The following PLCB2 variants were observed in gnomAD, a reference collection of about 807,000 sequenced individuals.
PLCB2 encodes the protein 1-phosphatidylinositol 4,5-bisphosphate phosphodiesterase beta-2.
Under a neutral mutation model 141.7 loss-of-function variants are expected in PLCB2, and 115 were observed. The ratio of observed to expected loss-of-function variants is 0.81; its 90% CI spans 0.70 to 0.95. PLCB2 has a LOEUF of 0.95. PLCB2 is among the 40% of genes least tolerant of loss of function. The pLI is 0.00. For missense variants in PLCB2, 1,403 were observed against 1,541.1 expected, an observed-to-expected ratio of 0.91 and a Z score of 1.50; for synonymous variants, 603 against 595.6, an observed-to-expected ratio of 1.01 and a Z score of -0.18.
Position 40,294,428 on chromosome 15 carries a change from G to A in PLCB2, c.1907-8C>T, listed in dbSNP as rs773284299. 1.1e-5 allele frequency: 18 copies of A among 1,613,940 alleles called. No homozygotes were observed. The highest frequency in any genetic ancestry group is 1.7e-5 in the Admixed American group (1 of 60,028). On this transcript the variant is annotated splice_region_variant and splice_polypyrimidine_tract_variant and intron_variant, in intron 18 of 31. Coordinates refer to ENST00000260402, the MANE Select transcript of PLCB2 (RefSeq NM_004573.3). ...TCTGCTGCATGGGCAAGTCTGGAGG[G>A]ACAAGGACACTCAGTGAGGAAGGCC... is the stretch of plus-strand genomic sequence containing the variant.
intron 24 of PLCB2, 94 bp from the exon 25 acceptor site, chr15:40,291,744 T>C (rs1452385528): frequency 6.2e-7 from 1 of 1,601,554 alleles, no homozygotes; most frequent in South Asian, 1.1e-5. Context: ...TCGCAGTATG[T>C]GCCCCCTGCC....
chr15:40,302,821 T>A (rs2040589962), intron 3 of PLCB2, among the ~76,000 whole-genome samples: 1 of 152,230 alleles, frequency 6.6e-6, no homozygotes, highest in Non-Finnish European at 1.5e-5. Context: ...TTAGCCAAGA[T>A]GGCGGGCAGG....
chr15:40,305,558 G>A (rs929121861), intron 1 of PLCB2, among the ~76,000 whole-genome samples: 4 of 152,216 alleles, frequency 2.6e-5, no homozygotes, highest in Non-Finnish European at 4.4e-5. Flanking sequence ...GGGAGAGTGG[G>A]GGCAAAGGGC....
intron 31 of PLCB2, 176 bp from the exon 32 acceptor site, chr15:40,289,094 G>C: frequency 9.3e-7 from 1 of 1,080,344 alleles, no homozygotes; most frequent in Admixed American, 2.7e-5. Flanking sequence ...CAGGAAAGGG[G>C]ATCCTAACCA....
chr15:40,293,531 ACT>A, intron 20 of PLCB2, 27 bp downstream of exon 20: 2 of 1,607,636 alleles, frequency 1.2e-6, no homozygotes, highest in South Asian at 1.1e-5. Flanking sequence ...AACTAGACAG[ACT>A]CTGCCCTGCC....
rs1431551269 is a variant in PLCB2, at chr15:40,303,999, A to T, written c.162+2T>A. 6.3e-7 allele frequency: 1 copy of T among 1,575,586 alleles called. No homozygotes were observed. Among genetic ancestry groups the T allele is most frequent in the Admixed American group, 1.8e-5 (1 of 54,578 alleles). Reference sequence around the variant, plus strand: ...GGCCATGGCACACAAGGGTTTTCTCACCTTACTTTGATACGTCCAGTATAA... The same window carrying T: ...GGCCATGGCACACAAGGGTTTTCTCTCCTTACTTTGATACGTCCAGTATAA... On this transcript the variant is annotated splice_donor_variant, in intron 2 of 31. Coordinates refer to ENST00000260402, the MANE Select transcript of PLCB2 (RefSeq NM_004573.3). LOFTEE classifies it high-confidence loss of function.
chr15:40,291,742 T>C (rs771704685), intron 24 of PLCB2, 92 bp from the exon 25 acceptor site: 11 of 1,602,376 alleles, frequency 6.9e-6, no homozygotes, highest in South Asian at 4.5e-5. Flanking sequence ...AGTCGCAGTA[T>C]GTGCCCCCTG....
At position 40,303,351 on chromosome 15, in the gene PLCB2, C is replaced by T. The variant is rs770065911; in HGVS notation, c.168G>A (p.Met56Ile). 4 of 1,613,296 alleles carry T rather than the reference C, an allele frequency of 2.5e-6. No homozygotes were observed. In the South Asian group the frequency reaches 4.4e-5, roughly 18 times the overall value. The part of the protein sequence containing the change: ...YLYWTYQSKE[M>I]EFLDITSIRD... ...GGATGCTGGTGATATCCAGAAACTC[C>T]ATCTCCTGGGGGCAGGGTGCGGATC... The change falls in exon 3 of 32, where the codon ATG becomes ATA. Residue 56 changes from methionine to isoleucine, a missense_variant. Physicochemically the swap from Met to Ile is conservative, Grantham distance 10 (BLOSUM62 1). Transcript: ENST00000260402.
chr15:40,295,292 A>G lies in PLCB2; in HGVS notation c.1697-7T>C, dbSNP rs977821806. Reference sequence around the variant, plus strand: ...ACATAACTTCGGTTCTTTTCTATATAGGGGAGAAAGGGAGGGGAGGAGTTT... The same window carrying G: ...ACATAACTTCGGTTCTTTTCTATATGGGGGAGAAAGGGAGGGGAGGAGTTT... On this transcript the variant is annotated splice_polypyrimidine_tract_variant and splice_region_variant and intron_variant, in intron 16 of 31. Transcript: ENST00000260402. 1 of 1,596,570 alleles carries G rather than the reference A, an allele frequency of 6.3e-7. No individual in the cohort carries two copies. The highest frequency in any genetic ancestry group is 2.2e-5 in the East Asian group (1 of 44,794).
intron 13 of PLCB2, 71 bp from the exon 14 acceptor site, chr15:40,296,979 G>T: frequency 6.6e-7 from 1 of 1,520,034 alleles, no homozygotes; most frequent in Non-Finnish European, 9.0e-7. Context: ...TTATTACCAG[G>T]CATGCTCCCT....
intron 1 of PLCB2, among the ~76,000 whole-genome samples, chr15:40,306,934 C>T (rs372069582): frequency 2.2e-4 from 34 of 152,364 alleles, no homozygotes; most frequent in African/African-American, 7.5e-4. Context: ...TAGGAAGGAA[C>T]AGACACAGCA....
At position 40,297,889 on chromosome 15, in the gene PLCB2, T is replaced by A; in HGVS notation, c.1226A>T (p.Asn409Ile). Residue 409 changes from asparagine (N) to isoleucine (I), a missense_variant, in exon 12 of 32, where the codon AAC becomes ATC. Around this residue, in one of 4 missense-constraint regions of PLCB2, gnomAD observed 975 missense variants for 1,141.1 expected, o/e 0.85. Transcript: ENST00000260402. This position sits in a 1 kb window ranked among gnomAD's most constrained non-coding sequence, Gnocchi z 4.2. ...CCTGGATACGCACGAGTCCACATGG[T>A]TCTCAAACGACAGGATGATGGGATA... ...SPYPIILSFE[N>I]HVDSPRQQAK... 1 of 1,613,220 alleles carries A rather than the reference T, an allele frequency of 6.2e-7. No individual in the cohort carries two copies. Among genetic ancestry groups the A allele is most frequent in the Non-Finnish European group, 8.5e-7 (1 of 1,179,302 alleles).
At chr15:40,285,585 C>T (rs182375266), downstream of PLCB2, 2,395 of 985,412 alleles carry the variant, frequency 2.4e-3, 6 homozygotes, top group Non-Finnish European at 2.7e-3. Flanking sequence ...GGGGTGGCCC[C>T]CAGGAATGGA....
chr15:40,305,175 C>CTTTTT (rs11320842), intron 1 of PLCB2, among the ~76,000 whole-genome samples: 2 of 134,780 alleles, frequency 1.5e-5, no homozygotes, highest in African/African-American at 2.7e-5. Context: ...TTTGTGATCT[C>CTTTTT]TTTTTTTTTT....
In PLCB2 at chr15:40,288,695, G is replaced by GTCC. The variant is rs768720645; in HGVS notation, c.*17_*19dup. ...AAGGGGCTGAACCTCCTTGCTAAAT[G>GTCC]TCCCAGTGGGATGGGGGCATCAGAG... On this transcript the variant is annotated 3_prime_UTR_variant, in exon 32 of 32. Coordinates refer to ENST00000260402, the MANE Select transcript of PLCB2 (RefSeq NM_004573.3). 1.2e-5 allele frequency: 19 copies of GTCC among 1,558,928 alleles called. No individual in the cohort carries two copies. The highest frequency in any genetic ancestry group is 1.6e-5 in the Non-Finnish European group (18 of 1,146,934).
rs760224159 is a variant in PLCB2 at position 40,297,972 on chromosome 15, G to A, written c.1156-13C>T. On this transcript the variant is annotated splice_polypyrimidine_tract_variant and intron_variant, in intron 11 of 31. Coordinates refer to ENST00000260402, the MANE Select transcript of PLCB2 (RefSeq NM_004573.3). The surrounding 1 kb of genome is among the most constrained non-coding windows in gnomAD (Gnocchi z 4.2). The stretch of plus-strand genomic sequence containing the variant: ...CCTCAATTGCTTCCTGGAGGAGAAG[G>A]AGACTCCATGAACAGAAGGTCAGCG... 8.9e-6 allele frequency: 14 copies of A among 1,566,786 alleles called. No homozygotes were observed. In the African/African-American group the frequency reaches 1.5e-4, roughly 17 times the overall value.
chr15:40,297,662 C>T lies in PLCB2; in HGVS notation c.1239-57G>A. 2 of 1,428,530 alleles carry T rather than the reference C, an allele frequency of 1.4e-6. No individual in the cohort carries two copies. The highest frequency in any genetic ancestry group is 2.3e-5 in the South Asian group (2 of 85,676). The allele number at this position is 1,428,530 out of a possible 1,614,324, so 88.5% of individuals were successfully genotyped here. ...GCCGCTCAGCACCAACCCTATTATG[C>T]ATCCTTTTGTGCCCTTGATGACCCA... On this transcript the variant is annotated intron_variant, in intron 12 of 31. Coordinates refer to ENST00000260402, the MANE Select transcript of PLCB2 (RefSeq NM_004573.3). The surrounding 1 kb of genome is among the most constrained non-coding windows in gnomAD (Gnocchi z 4.2).
chr15:40,292,912 A>AC lies in PLCB2; in HGVS notation c.2326+13dup, dbSNP rs774648390. The AC allele has an allele frequency of 3.0e-5, 46 of 1,540,844 alleles. No homozygotes were observed. The highest frequency in any genetic ancestry group is 3.6e-5 in the Non-Finnish European group (41 of 1,123,334). On this transcript the variant is annotated intron_variant, in intron 21 of 31. Transcript: ENST00000260402. ...GCTGCTGATCTTGGAACAGTGAAGG[A>AC]CCCCACTCCTTACCAGAATTTAGGG... is the stretch of plus-strand genomic sequence containing the variant.
At chr15:40,301,486 A>G in intron 7 of PLCB2, 2 of 702,206 alleles carry the variant, frequency 2.8e-6, no homozygotes, top group South Asian at 1.5e-5. Context: ...TTCTGTACAG[A>G]GCAGAAGTCT....
Sources: allele counts gnomAD v4.1 joint callset (sites outside exome capture counted in the v4.1 genomes callset), GRCh38; gene constraint gnomAD v4.1.1; regional missense constraint gnomAD v4.1.1; non-coding constraint Gnocchi (gnomAD v3.1); transcripts MANE v1.5; gene names NCBI Gene and HGNC (gene_info 2026-07-23, HGNC 2026-07-21).